Variants in ERC2 observed in about 807,000 individuals in gnomAD.
ERC2 encodes ERC protein 2.
In ERC2, 42 loss-of-function variants were observed where a neutral mutation model predicts 114.8. The ratio of observed to expected loss-of-function variants is 0.37; its 90% CI spans 0.29 to 0.47. ERC2 has a LOEUF of 0.47. Among genes scored for constraint, ERC2 ranks in the 20% least tolerant of loss-of-function variants. The probability of loss-of-function intolerance (pLI) is 0.99; values close to 1 mark genes in which losing one functional copy is unlikely to be tolerated. For synonymous variants in ERC2, 454 were observed against 425.5 expected (o/e 1.07, Z -0.82); for missense variants, 939 against 1,150.7 (o/e 0.82, Z 2.66).
chr3:56,382,778 T>G (rs1175157604), intron 2 of ERC2, among the ~76,000 whole-genome samples: 1 of 152,118 alleles, frequency 6.6e-6, no homozygotes, highest in Non-Finnish European at 1.5e-5. Flanking sequence ...GATGCAATCT[T>G]TCTGCTAATC....
At chr3:56,305,844 C>CT (rs886874298) in intron 2 of ERC2, among the ~76,000 whole-genome samples, 24 of 151,964 alleles carry the variant, frequency 1.6e-4, no homozygotes, top group East Asian at 3.9e-4. Flanking sequence ...TATATATTGT[C>CT]TTTTTTTTGT....
At chr3:56,264,278 A>G (rs2053142145) in intron 3 of ERC2, among the ~76,000 whole-genome samples, 1 of 152,174 alleles carries the variant, frequency 6.6e-6, no homozygotes, top group Non-Finnish European at 1.5e-5. Flanking sequence ...ACATCTATCA[A>G]CGTAATATTG....
At chr3:55,700,245 C>T (rs915056461) in intron 15 of ERC2, among the ~76,000 whole-genome samples, 6 of 152,146 alleles carry the variant, frequency 3.9e-5, no homozygotes, top group Non-Finnish European at 7.3e-5. Context: ...AAGAAATGGA[C>T]CAGTGATGAG....
rs1442203602 is a variant in ERC2, at chr3:55,583,379, CTTCTTTCTTTCCTTCCTTCT to C, written c.*40-72123_*40-72104del. On this transcript the variant is annotated intron_variant, in intron 17 of 17. Transcript: ENST00000288221. ...CCTGCCTGCCTGCCTGCCTTCTTTC[CTTCTTTCTTTCCTTCCTTCT>C]TTCCTTCCTTCCTTCCTTCCTTCCT... is the stretch of plus-strand genomic sequence containing the variant. 2.2e-3 allele frequency among the ~76,000 whole-genome samples: 312 copies of C among 141,858 alleles called. 7 individuals carry two copies. Among genetic ancestry groups the C allele is most frequent in the African/African-American group, 3.8e-3 (132 of 34,648 alleles). 93.1% of individuals were successfully genotyped at this position (141,858 alleles called of 152,430 possible). A position where few individuals can be genotyped will look rare whatever the true frequency, so the allele number is the denominator to read the frequency against.
chr3:56,318,910 T>G (rs1347703241), intron 2 of ERC2, among the ~76,000 whole-genome samples: 1 of 148,120 alleles, frequency 6.8e-6, no homozygotes, highest in Non-Finnish European at 1.5e-5. Flanking sequence ...TTCAGTGAGT[T>G]GTGATTGTGC....
At chr3:55,919,229 AT>A (rs772338734) in intron 13 of ERC2, among the ~76,000 whole-genome samples, 3 of 152,142 alleles carry the variant, frequency 2.0e-5, no homozygotes, top group Non-Finnish European at 4.4e-5. Flanking sequence ...AAGTTTCAAA[AT>A]TAGCAGGGCA....
At chr3:55,722,245 AT>A (rs201341122) in intron 15 of ERC2, among the ~76,000 whole-genome samples, 5 of 145,996 alleles carry the variant, frequency 3.4e-5, no homozygotes, top group African/African-American at 5.1e-5. Context: ...TTAAAAAAAA[AT>A]AATAATGTCA....
intron 6 of ERC2, among the ~76,000 whole-genome samples, chr3:56,091,557 A>G (rs2077791580): frequency 1.3e-5 from 2 of 152,178 alleles, no homozygotes; most frequent in Non-Finnish European, 2.9e-5. Flanking sequence ...CAGTCCTGTA[A>G]TTACATCAAC....
chr3:55,898,043 CCTCTT>C (rs1297080611), intron 13 of ERC2, among the ~76,000 whole-genome samples: 2 of 152,192 alleles, frequency 1.3e-5, no homozygotes, highest in Non-Finnish European at 2.9e-5. Context: ...TTCTCCCTTT[CCTCTT>C]CTCTTCTCAG....
chr3:56,188,904 T>A (rs897221824), intron 3 of ERC2, among the ~76,000 whole-genome samples: 3 of 152,202 alleles, frequency 2.0e-5, no homozygotes, highest in Non-Finnish European at 4.4e-5. Flanking sequence ...TTTGGTCTAG[T>A]TCCTCATTAC....
intron 3 of ERC2, among the ~76,000 whole-genome samples, chr3:56,223,337 C>G (rs2050039134): frequency 6.6e-6 from 1 of 151,936 alleles, no homozygotes; most frequent in Admixed American, 6.6e-5. Flanking sequence ...AACCACTGTC[C>G]CCATTTCACA....
intron 1 of ERC2, among the ~76,000 whole-genome samples, chr3:56,461,603 TAA>T (rs1343105289): frequency 4.6e-5 from 7 of 152,250 alleles, no homozygotes; most frequent in Non-Finnish European, 7.3e-5. Flanking sequence ...CAGATGATAT[TAA>T]GACACAACCT....
chr3:55,651,759 G>A lies in ERC2; in HGVS notation c.*39+32035C>T, dbSNP rs564314923. Among the ~76,000 whole-genome samples, 69 of 152,306 alleles carry A rather than the reference G, an allele frequency of 4.5e-4. 1 individual carries two copies. Among genetic ancestry groups the A allele is most frequent in the Middle Eastern group, 6.8e-3 (2 of 294 alleles). On this transcript the variant is annotated intron_variant, in intron 17 of 17. Transcript: ENST00000288221. ...ATGAAATCTTACCCTCAGAGAAACA[G>A]GGGATCATCCATTATTCTCTGATTG...
At chr3:55,613,517 G>T (rs930647647) in intron 17 of ERC2, among the ~76,000 whole-genome samples, 2 of 152,178 alleles carry the variant, frequency 1.3e-5, no homozygotes, top group African/African-American at 2.4e-5. Context: ...TTTTAGGTGG[G>T]AGAGGTTTCA....
At chr3:56,104,869 C>T (rs2078560784) in intron 6 of ERC2, among the ~76,000 whole-genome samples, 1 of 152,026 alleles carries the variant, frequency 6.6e-6, no homozygotes, top group Non-Finnish European at 1.5e-5. Flanking sequence ...AGACAACAAG[C>T]GCTAAACGTA....
intron 17 of ERC2, chr3:55,659,475 A>G (rs190401378): frequency 6.7e-6 from 1 of 150,220 alleles, no homozygotes; most frequent in East Asian, 2.0e-4. Context: ...CCCATCCCTG[A>G]TCTCCCCACC....
chr3:55,831,756 G>C (rs1206299439), intron 14 of ERC2, among the ~76,000 whole-genome samples: 1 of 152,146 alleles, frequency 6.6e-6, no homozygotes. Flanking sequence ...AGTGGGTGCA[G>C]GACAGTGGGT....
intron 3 of ERC2, among the ~76,000 whole-genome samples, chr3:56,283,497 T>C (rs749144092): frequency 9.9e-5 from 15 of 152,182 alleles, no homozygotes; most frequent in Non-Finnish European, 1.3e-4. Flanking sequence ...ATTTCTACTG[T>C]CTAAGGCACA....
At chr3:56,405,695 T>G (rs1326149407) in intron 2 of ERC2, among the ~76,000 whole-genome samples, 1 of 152,006 alleles carries the variant, frequency 6.6e-6, no homozygotes, top group African/African-American at 2.4e-5. Flanking sequence ...AGATTAAATG[T>G]GTTTTAAATT....
Sources: gnomAD v4.1 joint callset for allele counts (sites outside exome capture counted in the v4.1 genomes callset) on GRCh38, gnomAD v4.1.1 for gene constraint, MANE v1.5 for transcripts, NCBI Gene and HGNC (gene_info 2026-07-23, HGNC 2026-07-21) for gene names.